Variants in WBP2NL observed in about 807,000 individuals in gnomAD.
The protein encoded by WBP2NL is WBP2 N-terminal like, also known as postacrosomal sheath WW domain-binding protein.
In WBP2NL, 27 loss-of-function variants were observed where a neutral mutation model predicts 23.3. That is an observed-to-expected ratio of 1.16 (90% CI 0.85 to 1.60). The LOEUF (loss-of-function observed/expected upper bound fraction) is 1.60, where lower values mean the gene tolerates loss of function less well. Among genes scored for constraint, WBP2NL ranks in the 40% most tolerant of loss-of-function variants. The pLI is 0.00. For synonymous variants in WBP2NL, 151 were observed against 145.9 expected (o/e 1.03, Z -0.25); for missense variants, 370 against 389.5 (o/e 0.95, Z 0.42).
At chr22:42,018,989 G>C (rs1316585407) in intron 1 of WBP2NL, among the ~76,000 whole-genome samples, 1 of 151,690 alleles carries the variant, frequency 6.6e-6, no homozygotes, top group Admixed American at 6.6e-5. Context: ...TTGGGAGGCT[G>C]AGGCGGGCGG....
At chr22:42,035,274 G>T (rs1031029906), downstream of WBP2NL, among the ~76,000 whole-genome samples, 1 of 152,256 alleles carries the variant, frequency 6.6e-6, no homozygotes, top group African/African-American at 2.4e-5. Context: ...CAACAAGGGG[G>T]GCCTTCCTGG....
At chr22:42,030,872 G>A (rs542338030), downstream of WBP2NL, 13 of 152,284 alleles carry the variant, frequency 8.5e-5, no homozygotes, top group African/African-American at 3.1e-4. Flanking sequence ...ATATCAGAAA[G>A]TTTTCCGAGT....
At position 42,054,332 on chromosome 22, in the gene WBP2NL, C is replaced by T. The variant is rs1205394637; in HGVS notation, c.*274-3958C>T. Among the ~76,000 whole-genome samples, 4 of 152,018 alleles carry T rather than the reference C, an allele frequency of 2.6e-5. No homozygotes were observed. In the East Asian group the frequency reaches 7.7e-4, roughly 29 times the overall value. On this transcript the variant is annotated intron_variant and NMD_transcript_variant, in intron 8 of 8. Coordinates refer to the WBP2NL transcript ENST00000436265. The stretch of plus-strand genomic sequence containing the variant: ...AGCAGCTGGGATTACAGGCGCATGG[C>T]ACCATGCCCAGGTAATTTTTTTTTT...
intron 4 of WBP2NL, 135 bp from the exon 5 acceptor site, chr22:42,022,114 A>G (rs897965440): frequency 8.8e-5 from 64 of 728,106 alleles, no homozygotes; most frequent in Admixed American, 7.7e-4. Flanking sequence ...TTTCTTTTTT[A>G]TCTTGTGTCT....
intron 1 of WBP2NL, among the ~76,000 whole-genome samples, chr22:42,000,335 T>G (rs1921506097): frequency 1.3e-5 from 2 of 152,228 alleles, no homozygotes; most frequent in Admixed American, 1.3e-4. Context: ...GGTAGATGAT[T>G]GCTCACCACT....
chr22:42,029,500 T>TTG (rs1924793318), downstream of WBP2NL, among the ~76,000 whole-genome samples: 3 of 151,966 alleles, frequency 2.0e-5, no homozygotes, highest in African/African-American at 7.3e-5. Flanking sequence ...ACCTCCTGAG[T>TTG]AGCTGGGATT....
At position 41,998,844 on chromosome 22, in the gene WBP2NL, A is replaced by G; in HGVS notation, c.26A>G (p.Glu9Gly). The G allele has an allele frequency of 6.2e-7, 1 of 1,612,436 alleles. No individual in the cohort carries two copies. The highest frequency in any genetic ancestry group is 8.5e-7 in the Non-Finnish European group (1 of 1,179,038). Reference sequence around the variant, plus strand: ...ATGGCGGTGAATCAGAGCCACACCGAGAACCGCCGCGGAGCCCTCATCCCT... The same window carrying G: ...ATGGCGGTGAATCAGAGCCACACCGGGAACCGCCGCGGAGCCCTCATCCCT... MAVNQSHT[E>G]NRRGALIPNG... Residue 9 changes from glutamate (E) to glycine (G), a missense_variant, in exon 1 of 6, where the codon GAG becomes GGG. Transcript: ENST00000328823.
At position 42,027,955 on chromosome 22, in the gene WBP2NL, G is replaced by T. The variant is rs1170563146; in HGVS notation, c.*774G>T. On this transcript the variant is annotated 3_prime_UTR_variant, in exon 6 of 6. Coordinates refer to ENST00000328823, the MANE Select transcript of WBP2NL (RefSeq NM_152613.3). ...AAGATGTTCAGCTTGACTAGTGTTA[G>T]GGAAATGCAACCTGAGATGAGAAAA... 2.5e-6 allele frequency: 1 copy of T among 398,314 alleles called. No homozygotes were observed. Among genetic ancestry groups the T allele is most frequent in the African/African-American group, 2.1e-5 (1 of 48,604 alleles). The allele number at this position is 398,314 out of a possible 1,614,324, so 24.7% of individuals were successfully genotyped here.
chr22:42,024,564 G>GT (rs1352342249), intron 5 of WBP2NL, among the ~76,000 whole-genome samples: 1 of 151,890 alleles, frequency 6.6e-6, no homozygotes, highest in African/African-American at 2.4e-5. Context: ...TCTCATTGTG[G>GT]TTTTAATTTG....
chr22:42,056,459 C>G (rs1926034337), intron 8 of WBP2NL, among the ~76,000 whole-genome samples: 2 of 152,066 alleles, frequency 1.3e-5, no homozygotes, highest in East Asian at 3.8e-4. Flanking sequence ...TTATGTAGTT[C>G]CATTTACTGG....
At chr22:42,011,299 A>G (rs1393265163) in intron 1 of WBP2NL, among the ~76,000 whole-genome samples, 1 of 151,982 alleles carries the variant, frequency 6.6e-6, no homozygotes, top group Non-Finnish European at 1.5e-5. Context: ...CCCTGTCTGG[A>G]GTGCAGTGAT....
Position 42,028,084 on chromosome 22 carries a change from A to G in WBP2NL, c.*903A>G. 1 of 398,556 alleles carries G rather than the reference A, an allele frequency of 2.5e-6. No homozygotes were observed. Among genetic ancestry groups the G allele is most frequent in the Non-Finnish European group, 4.4e-6 (1 of 226,020 alleles). The allele number at this position is 398,556 out of a possible 1,614,324, so 24.7% of individuals were successfully genotyped here. A position where few individuals can be genotyped will look rare whatever the true frequency, so the allele number is the denominator to read the frequency against. On this transcript the variant is annotated 3_prime_UTR_variant, in exon 6 of 6. Coordinates refer to ENST00000328823, the MANE Select transcript of WBP2NL (RefSeq NM_152613.3). Reference sequence around the variant, plus strand: ...AACTTGCATGTGTGCACAAAGATGCATGTGGGAAGATTTCATTATATTCAT... The same window carrying G: ...AACTTGCATGTGTGCACAAAGATGCGTGTGGGAAGATTTCATTATATTCAT...
chr22:42,051,253 A>G (rs571503906), intron 8 of WBP2NL, among the ~76,000 whole-genome samples: 18 of 152,278 alleles, frequency 1.2e-4, no homozygotes, highest in African/African-American at 3.1e-4. Context: ...CTGAAAGGCT[A>G]TTTACTGTAT....
chr22:42,006,071 G>C (rs1264752964), intron 1 of WBP2NL, among the ~76,000 whole-genome samples: 2 of 152,180 alleles, frequency 1.3e-5, no homozygotes, highest in Non-Finnish European at 2.9e-5. Flanking sequence ...AAACACCCAA[G>C]AAAGCTTTAC....
At chr22:42,026,056 G>A (rs143420724) in intron 5 of WBP2NL, among the ~76,000 whole-genome samples, 3,011 of 152,098 alleles carry the variant, frequency 0.02, 70 homozygotes, top group Admixed American at 0.066. Context: ...TGGATCATGA[G>A]GTCAGGAGAT....
downstream of WBP2NL, among the ~76,000 whole-genome samples, chr22:42,036,026 T>C (rs1199174693): frequency 6.6e-6 from 1 of 152,244 alleles, no homozygotes; most frequent in Non-Finnish European, 1.5e-5. Flanking sequence ...CTGTTTTGTA[T>C]GTGTGTATAA....
At chr22:42,009,791 G>A (rs1004427721) in intron 1 of WBP2NL, among the ~76,000 whole-genome samples, 1 of 152,036 alleles carries the variant, frequency 6.6e-6, no homozygotes, top group Non-Finnish European at 1.5e-5. Flanking sequence ...GGCTTTTTGG[G>A]GTCCCTTGAG....
chr22:42,019,601 G>C, intron 2 of WBP2NL, 61 bp from the exon 3 acceptor site: 1 of 1,604,632 alleles, frequency 6.2e-7, no homozygotes, highest in Non-Finnish European at 8.5e-7. Context: ...CCTTGCTCTT[G>C]TAAGTCTCAA....
At chr22:42,000,408 G>A (rs562060402) in intron 1 of WBP2NL, among the ~76,000 whole-genome samples, 1 of 152,226 alleles carries the variant, frequency 6.6e-6, no homozygotes, top group East Asian at 1.9e-4. Context: ...ATTCCATGGT[G>A]TGAAGCCTTT....
Sources: allele counts gnomAD v4.1 joint callset (sites outside exome capture counted in the v4.1 genomes callset), GRCh38; gene constraint gnomAD v4.1.1; transcripts MANE v1.5; gene names NCBI Gene and HGNC (gene_info 2026-07-23, HGNC 2026-07-21).